PATL1: variants seen among roughly 807,000 people sequenced by gnomAD.
PATL1 encodes the protein PAT1 homolog 1, processing body mRNA decay factor, also known as protein PAT1 homolog 1.
A neutral mutation model predicts 100.6 loss-of-function variants in PATL1; 32 were observed. The observed-to-expected ratio is 0.32, with a 90% CI of 0.24 to 0.43. The LOEUF is 0.43. Among genes scored for constraint, PATL1 ranks in the 20% least tolerant of loss-of-function variants. The pLI is 1.00. For missense variants in PATL1, 747 were observed against 949.9 expected (o/e 0.79, Z 2.81); for synonymous variants, 332 against 330.0 (o/e 1.01, Z -0.07).
intron 1 of PATL1, among the ~76,000 whole-genome samples, chr11:59,667,620 T>G (rs543867019): frequency 1.3e-5 from 2 of 152,338 alleles, no homozygotes; most frequent in Admixed American, 6.5e-5. Flanking sequence ...CAAATACCTT[T>G]TAAGGACCTA....
chr11:59,642,103 T>C lies in PATL1; in HGVS notation c.2049+777A>G, dbSNP rs79308840. Among the ~76,000 whole-genome samples, 695 of 152,320 alleles carry C rather than the reference T, an allele frequency of 4.6e-3. 11 individuals are homozygous for C. Among genetic ancestry groups the C allele is most frequent in the African/African-American group, 0.016 (680 of 41,564 alleles). On this transcript the variant is annotated intron_variant, in intron 16 of 18. Transcript: ENST00000300146. ...TATGAAGTCTACATCATCACCTCCATCTTATAGACCAGGAAACTGATTCAG... is the reference window on the plus strand; with the variant it reads ...TATGAAGTCTACATCATCACCTCCACCTTATAGACCAGGAAACTGATTCAG...
At chr11:59,662,658 G>A (rs1041195134) in intron 2 of PATL1, among the ~76,000 whole-genome samples, 7 of 152,144 alleles carry the variant, frequency 4.6e-5, no homozygotes, top group African/African-American at 1.7e-4. Context: ...ACTTAGCAAT[G>A]CCACAAGAGT....
At position 59,649,607 on chromosome 11, in the gene PATL1, A is replaced by G. The variant is rs754311728; in HGVS notation, c.1588T>C (p.Tyr530His). The change falls in exon 14 of 19, where the codon TAC becomes CAC. Residue 530 changes from tyrosine (Y) to histidine (H), a missense_variant. This residue lies in a region of PATL1 where 434 missense variants were observed against 596.1 expected (regional missense o/e 0.73). Coordinates refer to ENST00000300146, the MANE Select transcript of PATL1 (RefSeq NM_152716.3). Reference protein sequence around the residue: ...RKTLVIIEKTYSLLLDVEDYE... With the variant: ...RKTLVIIEKTHSLLLDVEDYE... ...TCCTCCACATCAAGGAGTAAGCTGT[A>G]GGTCTAAGAAGGGAGACAAAAGCAG... 2 of 1,611,716 alleles carry G rather than the reference A, an allele frequency of 1.2e-6. No individual in the cohort carries two copies. Among genetic ancestry groups the G allele is most frequent in the Non-Finnish European group, 8.5e-7 (1 of 1,178,798 alleles).
At chr11:59,646,375 A>G (rs1318262692) in intron 15 of PATL1, among the ~76,000 whole-genome samples, 1 of 149,682 alleles carries the variant, frequency 6.7e-6, no homozygotes, top group Non-Finnish European at 1.5e-5. Context: ...TAGTAGGGAC[A>G]GTTTTTCACC....
chr11:59,668,203 A>G (rs1353205789), intron 1 of PATL1, among the ~76,000 whole-genome samples: 4 of 152,240 alleles, frequency 2.6e-5, no homozygotes, highest in Non-Finnish European at 5.9e-5. Context: ...GTTTACGTCC[A>G]GAGATTAGGA....
At chr11:59,666,577 C>A (rs912422874) in intron 2 of PATL1, among the ~76,000 whole-genome samples, 26 of 152,092 alleles carry the variant, frequency 1.7e-4, no homozygotes, top group Admixed American at 1.4e-3. Context: ...ACATTTGAAT[C>A]CCTCATAGGG....
chr11:59,642,296 C>T (rs1861293587), intron 16 of PATL1, among the ~76,000 whole-genome samples: 2 of 152,194 alleles, frequency 1.3e-5, no homozygotes, highest in South Asian at 4.1e-4. Context: ...AGTGTTATGA[C>T]AGAGACTGCT....
rs1463165486 is a variant in PATL1, at chr11:59,666,921, T to A, written c.59A>T (p.Gln20Leu). Residue 20 changes from glutamine to leucine, a missense_variant, in exon 2 of 19, where the codon CAG becomes CTG. By Grantham distance (113) the Gln-to-Leu change is moderately radical. Around this residue, in one of 4 missense-constraint regions of PATL1, gnomAD observed 183 missense variants for 221.2 expected, o/e 0.83. Transcript: ENST00000300146. ...CTCTTCATCTTCTTCTCCCAGTCCC[T>A]GAAATGCATCTTCATCTTCATCCAG... ...CPLDEDEDAF[Q>L]GLGEEDEEID... 1 of 1,550,832 alleles carries A rather than the reference T, an allele frequency of 6.4e-7. No homozygotes were observed. Among genetic ancestry groups the A allele is most frequent in the Non-Finnish European group, 8.7e-7 (1 of 1,146,600 alleles).
intron 2 of PATL1, among the ~76,000 whole-genome samples, chr11:59,666,160 T>G (rs1176575256): frequency 6.6e-6 from 1 of 151,962 alleles, no homozygotes; most frequent in East Asian, 1.9e-4. Context: ...GCAGGAGAAC[T>G]GTTTGAACTC....
rs1257842934 is a variant in PATL1, at chr11:59,666,922, G to C, written c.58C>G (p.Gln20Glu). The C allele has an allele frequency of 1.3e-6, 2 of 1,550,328 alleles. No homozygotes were observed. Among genetic ancestry groups the C allele is most frequent in the Non-Finnish European group, 1.7e-6 (2 of 1,146,488 alleles). ...CPLDEDEDAFQGLGEEDEEID... is the reference protein window; with the variant it reads ...CPLDEDEDAFEGLGEEDEEID... ...TCTTCATCTTCTTCTCCCAGTCCCT[G>C]AAATGCATCTTCATCTTCATCCAGA... Residue 20 changes from glutamine to glutamate, a missense_variant, in exon 2 of 19, where the codon CAG (glutamine) becomes GAG (glutamate). By Grantham distance (29) the Gln-to-Glu change is conservative (BLOSUM62 2). Around this residue, in one of 4 missense-constraint regions of PATL1, gnomAD observed 183 missense variants for 221.2 expected, o/e 0.83. Coordinates refer to ENST00000300146, the MANE Select transcript of PATL1 (RefSeq NM_152716.3).
chr11:59,657,075 C>G, intron 5 of PATL1: 4 of 985,066 alleles, frequency 4.1e-6, no homozygotes, highest in Non-Finnish European at 4.8e-6. Flanking sequence ...ACCCTCCCCC[C>G]ATACCTTCCA....
At chr11:59,654,713 T>C (rs1861500363) in intron 8 of PATL1, among the ~76,000 whole-genome samples, 1 of 152,158 alleles carries the variant, frequency 6.6e-6, no homozygotes, top group Non-Finnish European at 1.5e-5. Flanking sequence ...GGGAATGTCA[T>C]TAAAGATATA....
intron 14 of PATL1, 81 bp downstream of exon 14, chr11:59,649,380 TA>T: frequency 2.7e-6 from 4 of 1,499,618 alleles, no homozygotes; most frequent in South Asian, 1.3e-5. Context: ...GAAGTGTACC[TA>T]AAAGGCAAAA....
intron 1 of PATL1, among the ~76,000 whole-genome samples, chr11:59,668,214 G>A (rs376799007): frequency 5.3e-5 from 8 of 152,216 alleles, no homozygotes; most frequent in African/African-American, 1.7e-4. Context: ...GAGATTAGGA[G>A]TCACTCAAGG....
At chr11:59,648,185 CTTTTTTTTT>C (rs887689437) in intron 14 of PATL1, among the ~76,000 whole-genome samples, 1 of 130,468 alleles carries the variant, frequency 7.7e-6, no homozygotes, top group Non-Finnish European at 1.6e-5. Context: ...AACTTTTTTT[CTTTTTTTTT>C]TTTTTTTTTG....
chr11:59,652,623 C>CG (rs1199299635), intron 10 of PATL1, 36 bp from the exon 11 acceptor site: 1 of 1,609,690 alleles, frequency 6.2e-7, no homozygotes, highest in Non-Finnish European at 8.5e-7. Context: ...GTAACACAAG[C>CG]ACAGAACACG....
chr11:59,644,890 C>CTTT (rs71036539), intron 15 of PATL1, among the ~76,000 whole-genome samples: 34 of 83,776 alleles, frequency 4.1e-4, no homozygotes, highest in African/African-American at 1.4e-3. Context: ...ACTTCGTTTC[C>CTTT]TTTTTTTTTT....
chr11:59,666,767 C>A, intron 2 of PATL1, 86 bp downstream of exon 2: 2 of 1,365,172 alleles, frequency 1.5e-6, no homozygotes, highest in Non-Finnish European at 9.8e-7. Context: ...TAAGGTTACC[C>A]CTAATAAGAT....
chr11:59,653,035 A>G lies in PATL1; in HGVS notation c.1122-17T>C. On this transcript the variant is annotated splice_polypyrimidine_tract_variant and intron_variant, in intron 9 of 18. Transcript: ENST00000300146. ...CGATGCTGACTGAAAAACATACACC[A>G]CATTCATTCCATGTGGGCAAATTAA... 2 of 1,583,328 alleles carry G rather than the reference A, an allele frequency of 1.3e-6. No homozygotes were observed. The highest frequency in any genetic ancestry group is 1.7e-6 in the Non-Finnish European group (2 of 1,158,998).
Sources: allele counts gnomAD v4.1 joint callset (sites outside exome capture counted in the v4.1 genomes callset), GRCh38; gene constraint gnomAD v4.1.1; regional missense constraint gnomAD v4.1.1; transcripts MANE v1.5; gene names NCBI Gene and HGNC (gene_info 2026-07-23, HGNC 2026-07-21).